WDPCP: variants seen among roughly 807,000 people sequenced by gnomAD.
The protein encoded by WDPCP is WD repeat-containing and planar cell polarity effector protein fritz homolog.
A neutral mutation model predicts 93.1 loss-of-function variants in WDPCP; 71 were observed. The observed-to-expected ratio is 0.76, with a 90% CI of 0.63 to 0.93. WDPCP has a LOEUF of 0.93. Among genes scored for constraint, WDPCP ranks in the 40% least tolerant of loss-of-function variants. WDPCP has a pLI of 0.00. For synonymous variants in WDPCP, 315 were observed against 315.0 expected (o/e 1.00, Z 0.00); for missense variants, 844 against 887.4 (o/e 0.95, Z 0.62).
chr2:63,796,024 T>C (rs911086736), intron 2 of WDPCP, among the ~76,000 whole-genome samples: 1 of 152,184 alleles, frequency 6.6e-6, no homozygotes, highest in African/African-American at 2.4e-5. Context: ...GTTTTAGACA[T>C]GGTTGTGCTG....
At chr2:63,420,664 C>G (rs1695791573) in intron 9 of WDPCP, among the ~76,000 whole-genome samples, 1 of 152,114 alleles carries the variant, frequency 6.6e-6, no homozygotes, top group African/African-American at 2.4e-5. Context: ...CATACTACTA[C>G]TTCATCATCA....
intron 17 of WDPCP, among the ~76,000 whole-genome samples, chr2:63,142,591 G>A (rs1217242699): frequency 6.6e-6 from 1 of 151,878 alleles, no homozygotes; most frequent in Non-Finnish European, 1.5e-5. Flanking sequence ...CATGCACTGT[G>A]TGTTCTGTGG....
chr2:63,255,752 A>G (rs1338491328), intron 14 of WDPCP, among the ~76,000 whole-genome samples: 1 of 152,176 alleles, frequency 6.6e-6, no homozygotes, highest in East Asian at 1.9e-4. Flanking sequence ...TAGCAATGCA[A>G]AGAGACTAAC....
intron 13 of WDPCP, among the ~76,000 whole-genome samples, chr2:63,310,085 G>A (rs563404065): frequency 6.6e-6 from 1 of 152,216 alleles, no homozygotes; most frequent in South Asian, 2.1e-4. Context: ...TATTTGAAAA[G>A]TGAGTAATAT....
At position 63,700,621 on chromosome 2, in the gene WDPCP, T is replaced by C. The variant is rs369244728; in HGVS notation, n.309-49783A>G. On this transcript the variant is annotated intron_variant and non_coding_transcript_variant, in intron 2 of 4. Coordinates refer to the WDPCP transcript ENST00000467687. ...ATTTTGTTATTCTTTTTCTCTCGCA[T>C]ACAGTGTTTAAAAGTTTTGATACCC... Among the ~76,000 whole-genome samples, 56 of 152,312 alleles carry C rather than the reference T, an allele frequency of 3.7e-4. 1 individual carries two copies. The highest frequency in any genetic ancestry group is 6.8e-3 in the Middle Eastern group (2 of 294).
chr2:63,785,297 CT>C (rs1245970509), intron 2 of WDPCP, among the ~76,000 whole-genome samples: 2 of 152,138 alleles, frequency 1.3e-5, no homozygotes, highest in Non-Finnish European at 2.9e-5. Context: ...CCCTCTGCTT[CT>C]TTTGTACACA....
intron 2 of WDPCP, among the ~76,000 whole-genome samples, chr2:63,776,655 CAA>C (rs778768889): frequency 6.1e-4 from 33 of 54,016 alleles, no homozygotes; most frequent in Admixed American, 1.2e-3. Context: ...GGCCCTGTCT[CAA>C]AAAAAAAAAA....
chr2:63,546,679 G>C (rs1267742861), intron 1 of WDPCP, among the ~76,000 whole-genome samples: 2 of 152,090 alleles, frequency 1.3e-5, no homozygotes, highest in African/African-American at 2.4e-5. Flanking sequence ...GTTCCTCTTG[G>C]AAGAATAATT....
intron 2 of WDPCP, among the ~76,000 whole-genome samples, chr2:63,676,636 T>C (rs900245205): frequency 6.6e-6 from 1 of 152,144 alleles, no homozygotes; most frequent in African/African-American, 2.4e-5. Flanking sequence ...ATTACAGGAA[T>C]GGAGAACAGA....
At chr2:63,133,044 G>A (rs1384952198) in intron 17 of WDPCP, among the ~76,000 whole-genome samples, 1 of 152,054 alleles carries the variant, frequency 6.6e-6, no homozygotes. Context: ...TAATTATCTT[G>A]GCCTTGCTTC....
At chr2:63,383,492 A>C (rs1357509218) in intron 10 of WDPCP, among the ~76,000 whole-genome samples, 1 of 152,230 alleles carries the variant, frequency 6.6e-6, no homozygotes, top group African/African-American at 2.4e-5. Flanking sequence ...AGGCAGGCAG[A>C]TCACTTGAGG....
At position 63,448,437 on chromosome 2, in the gene WDPCP, A is replaced by AACACACACACAC. The variant is rs35247066; in HGVS notation, c.385-8578_385-8567dup. Among the ~76,000 whole-genome samples the AACACACACACAC allele has an allele frequency of 1.0e-3, 154 of 148,798 alleles. 1 individual carries two copies. Among genetic ancestry groups the AACACACACACAC allele is most frequent in the African/African-American group, 3.4e-3 (136 of 40,572 alleles). On this transcript the variant is annotated intron_variant, in intron 6 of 17. Transcript: ENST00000272321. The stretch of plus-strand genomic sequence containing the variant: ...TACCTGAGTTAATTAAAAATACATC[A>AACACACACACAC]ACACACACACACACACACACACACA...
intron 14 of WDPCP, among the ~76,000 whole-genome samples, chr2:63,184,222 GTTTGTC>G (rs2104128122): frequency 6.6e-6 from 1 of 151,648 alleles, no homozygotes; most frequent in South Asian, 2.1e-4. Flanking sequence ...CCCTCTTTCT[GTTTGTC>G]TTTGTTGTTT....
intron 6 of WDPCP, among the ~76,000 whole-genome samples, chr2:63,453,695 A>C (rs1211342373): frequency 6.6e-6 from 1 of 152,178 alleles, no homozygotes; most frequent in Non-Finnish European, 1.5e-5. Context: ...GAACCAACCC[A>C]AATGTCCAAC....
At chr2:63,754,699 A>T (rs1669934973) in intron 2 of WDPCP, among the ~76,000 whole-genome samples, 1 of 152,194 alleles carries the variant, frequency 6.6e-6, no homozygotes, top group Non-Finnish European at 1.5e-5. Flanking sequence ...ACAATCATTC[A>T]GGCACCTGAG....
chr2:63,458,278 A>T (rs1430944787), intron 6 of WDPCP, among the ~76,000 whole-genome samples: 4 of 152,074 alleles, frequency 2.6e-5, no homozygotes, highest in Non-Finnish European at 5.9e-5. Context: ...CAGAATTTCA[A>T]ACTGTCCCTC....
At chr2:63,500,076 CA>C (rs1309342050) in intron 1 of WDPCP, among the ~76,000 whole-genome samples, 1 of 152,196 alleles carries the variant, frequency 6.6e-6, no homozygotes, top group Admixed American at 6.5e-5. Flanking sequence ...ACCCCTTACC[CA>C]GACTTGTTCC....
chr2:63,613,480 G>T (rs1709637256), intron 3 of WDPCP, among the ~76,000 whole-genome samples: 1 of 152,224 alleles, frequency 6.6e-6, no homozygotes, highest in Admixed American at 6.5e-5. Context: ...TGGGATGGGG[G>T]TGGAGAATGT....
At chr2:63,275,186 G>GTTT (rs1682989236) in intron 13 of WDPCP, among the ~76,000 whole-genome samples, 1 of 151,842 alleles carries the variant, frequency 6.6e-6, no homozygotes, top group Non-Finnish European at 1.5e-5. Flanking sequence ...CAGAATGAAG[G>GTTT]ACAAAAACCA....
Sources: gnomAD v4.1 joint callset for allele counts (sites outside exome capture counted in the v4.1 genomes callset) on GRCh38, gnomAD v4.1.1 for gene constraint, MANE v1.5 for transcripts, NCBI Gene and HGNC (gene_info 2026-07-23, HGNC 2026-07-21) for gene names.